Variants in ALDOB observed in about 807,000 individuals in gnomAD.
ALDOB encodes the protein aldolase, fructose-bisphosphate B.
ALDOB carries 39 observed loss-of-function variants against 41.0 expected under a neutral mutation model. The observed-to-expected ratio is 0.95, with a 90% CI of 0.74 to 1.24. The LOEUF (loss-of-function observed/expected upper bound fraction) is 1.24. Ranked by LOEUF, ALDOB falls within the 50% of genes most tolerant of loss-of-function variation. The pLI, the probability that ALDOB is intolerant of heterozygous loss-of-function variation, is 0.00. For missense variants in ALDOB, 530 were observed against 457.3 expected (o/e 1.16, Z -1.45); for synonymous variants, 175 against 168.8 (o/e 1.04, Z -0.28).
At chr9:101,431,112 T>C (rs1276414982) in intron 1 of ALDOB, among the ~76,000 whole-genome samples, 1 of 152,232 alleles carries the variant, frequency 6.6e-6, no homozygotes. Flanking sequence ...TGAATGTTCA[T>C]GGTGATCCTA....
rs374413253 is a variant in ALDOB at position 101,429,714 on chromosome 9, C to T, written c.324+41G>A. On this transcript the variant is annotated intron_variant, in intron 3 of 8. Coordinates refer to ENST00000647789, the MANE Select transcript of ALDOB (RefSeq NM_000035.4). ...CCTTGCCAGTGTGCTTGGAGTTTGC[C>T]TAGGACAAAGCAGAAGTGAGGTGTG... 9.4e-5 allele frequency: 150 copies of T among 1,595,316 alleles called. No homozygotes were observed. The African/African-American group carries it at 1.9e-3, about 20-fold the overall frequency.
chr9:101,430,797 G>A lies in ALDOB; in HGVS notation c.91C>T (p.Leu31=). The A allele has an allele frequency of 6.2e-7, 1 of 1,613,632 alleles. No homozygotes were observed. The highest frequency in any genetic ancestry group is 8.5e-7 in the Non-Finnish European group (1 of 1,179,522). The change falls in exon 2 of 9, where the codon CTG becomes TTG. Residue 31 remains leucine (L), a synonymous_variant. Coordinates refer to ENST00000647789, the MANE Select transcript of ALDOB (RefSeq NM_000035.4). ...QSIVANGKGI[L]AADESVGTMG... ...TCACCTACAGATTCATCTGCAGCCA[G>A]GATCCCCTTTCCATTGGCAACAATG...
At chr9:101,423,093 C>G (rs1437317317) in intron 8 of ALDOB, among the ~76,000 whole-genome samples, 1 of 152,218 alleles carries the variant, frequency 6.6e-6, no homozygotes, top group African/African-American at 2.4e-5. Flanking sequence ...CACAGCAGCA[C>G]TGCTGCACCC....
intron 1 of ALDOB, among the ~76,000 whole-genome samples, chr9:101,432,235 C>T (rs189411551): frequency 6.6e-6 from 1 of 152,296 alleles, no homozygotes; most frequent in East Asian, 1.9e-4. Flanking sequence ...AGGTTCTTGT[C>T]TTACCCCAAA....
chr9:101,430,624 G>T lies in ALDOB; in HGVS notation c.112+152C>A, dbSNP rs1375165506. On this transcript the variant is annotated intron_variant, in intron 2 of 8. Coordinates refer to ENST00000647789, the MANE Select transcript of ALDOB (RefSeq NM_000035.4). Reference sequence around the variant, plus strand: ...TCAGGAATGTGCCTACTACTTACAGGACTCAAAAGCTCTACGCTTACTGAG... The same window carrying T: ...TCAGGAATGTGCCTACTACTTACAGTACTCAAAAGCTCTACGCTTACTGAG... 6 of 678,270 alleles carry T rather than the reference G, an allele frequency of 8.8e-6. No homozygotes were observed. The East Asian group carries it at 1.7e-4, about 19-fold the overall frequency. The allele number at this position is 678,270 out of a possible 1,614,324, so 42.0% of individuals were successfully genotyped here.
At chr9:101,425,094 C>A in intron 7 of ALDOB, 52 bp from the exon 8 acceptor site, 1 of 1,589,886 alleles carries the variant, frequency 6.3e-7, no homozygotes, top group Non-Finnish European at 8.6e-7. Flanking sequence ...ATATACCCTG[C>A]TTGAGAAAGC....
chr9:101,428,646 G>A (rs1831166912), intron 3 of ALDOB, 123 bp from the exon 4 acceptor site: 9 of 850,212 alleles, frequency 1.1e-5, no homozygotes, highest in Middle Eastern at 2.2e-4. Flanking sequence ...GTATTAGTGC[G>A]AGGGACCCAG....
Position 101,424,846 on chromosome 9 carries a change from GGCCC to G in ALDOB, c.992_995del (p.Arg331ProfsTer41). 6.2e-7 allele frequency: 1 copy of G among 1,612,770 alleles called. No individual in the cohort carries two copies. The highest frequency in any genetic ancestry group is 8.5e-7 in the Non-Finnish European group (1 of 1,180,004). On this transcript the variant is annotated frameshift_variant, in exon 8 of 9. Coordinates refer to ENST00000647789, the MANE Select transcript of ALDOB (RefSeq NM_000035.4). LOFTEE classifies it high-confidence loss of function. Reference sequence around the variant, plus strand: ...ATAAGAGGTGGCAGCATCTTACCATGGCCCGCTTCATAAAAGCCTCCTGGGTTGC... The same window carrying G: ...ATAAGAGGTGGCAGCATCTTACCATGGCTTCATAAAAGCCTCCTGGGTTGC...
chr9:101,434,390 T>G (rs1181359298), intron 1 of ALDOB, among the ~76,000 whole-genome samples: 1 of 152,228 alleles, frequency 6.6e-6, no homozygotes, highest in East Asian at 1.9e-4. Flanking sequence ...GTATGGTTCT[T>G]TCTGCCTTCC....
intron 2 of ALDOB, 52 bp downstream of exon 2, chr9:101,430,724 G>T: frequency 7.3e-7 from 1 of 1,366,386 alleles, no homozygotes; most frequent in Non-Finnish European, 1.0e-6. Flanking sequence ...TTTTTGCTAA[G>T]TGTAGAAAAA....
intron 3 of ALDOB, among the ~76,000 whole-genome samples, chr9:101,429,140 T>C (rs1236847498): frequency 8.2e-6 from 1 of 121,662 alleles, no homozygotes; most frequent in Non-Finnish European, 1.9e-5. Context: ...TTTTTCTTTC[T>C]TTTTTTTTTT....
intron 5 of ALDOB, among the ~76,000 whole-genome samples, chr9:101,426,843 A>T (rs962895937): frequency 1.3e-5 from 2 of 152,254 alleles, no homozygotes; most frequent in Admixed American, 1.3e-4. Context: ...TCTAGAGATT[A>T]TTCTAGCTGC....
In ALDOB at chr9:101,421,951, C is replaced by G. The variant is rs772943573; in HGVS notation, c.1000-47G>C. On this transcript the variant is annotated intron_variant, in intron 8 of 8. Transcript: ENST00000647789. Reference sequence around the variant, plus strand: ...GGAGACTGGTTAGAGTAAATGTGACCCCACCTTGACCCTGTCTGCCTCTCA... The same window carrying G: ...GGAGACTGGTTAGAGTAAATGTGACGCCACCTTGACCCTGTCTGCCTCTCA... The G allele has an allele frequency of 2.7e-6, 4 of 1,478,420 alleles. No individual in the cohort carries two copies. In the South Asian group the frequency reaches 4.6e-5, roughly 17 times the overall value. 91.6% of individuals were successfully genotyped at this position (1,478,420 alleles called of 1,614,324 possible).
chr9:101,423,828 C>A (rs527264389), intron 8 of ALDOB, among the ~76,000 whole-genome samples: 1 of 152,328 alleles, frequency 6.6e-6, no homozygotes, highest in South Asian at 2.1e-4. Context: ...TGGCTAAACT[C>A]CAAGCTTCCT....
intron 8 of ALDOB, among the ~76,000 whole-genome samples, chr9:101,423,249 G>A (rs1031894770): frequency 2.6e-5 from 4 of 152,120 alleles, no homozygotes; most frequent in African/African-American, 9.7e-5. Flanking sequence ...TCCTTGCCTA[G>A]CTTCCTCTAT....
Position 101,429,665 on chromosome 9 carries a change from G to T in ALDOB, c.324+90C>A. 1.7e-6 allele frequency: 2 copies of T among 1,174,772 alleles called. 1 individual carries two copies. The highest frequency in any genetic ancestry group is 4.7e-5 in the East Asian group (2 of 42,858). The allele number at this position is 1,174,772 out of a possible 1,614,324, so 72.8% of individuals were successfully genotyped here. A position where few individuals can be genotyped will look rare whatever the true frequency, so the allele number is the denominator to read the frequency against. Reference sequence around the variant, plus strand: ...GGTGAGAAGAGAAATTTGATGAGGAGAATGTTCAGAGTGTTGGCCCTGTCC... The same window carrying T: ...GGTGAGAAGAGAAATTTGATGAGGATAATGTTCAGAGTGTTGGCCCTGTCC... On this transcript the variant is annotated intron_variant, in intron 3 of 8. Coordinates refer to ENST00000647789, the MANE Select transcript of ALDOB (RefSeq NM_000035.4).
chr9:101,432,674 G>A (rs1458178623), intron 1 of ALDOB, among the ~76,000 whole-genome samples: 1 of 152,162 alleles, frequency 6.6e-6, no homozygotes, highest in African/African-American at 2.4e-5. Context: ...CCAGAAGGTG[G>A]TTGGGCTCTT....
intron 2 of ALDOB, among the ~76,000 whole-genome samples, 185 bp downstream of exon 2, chr9:101,430,591 C>T (rs1238465656): frequency 6.6e-6 from 1 of 152,202 alleles, no homozygotes; most frequent in Non-Finnish European, 1.5e-5. Context: ...AGCCTCTTTC[C>T]TTGGCTTTCA....
At chr9:101,433,935 T>C (rs1159705755) in intron 1 of ALDOB, among the ~76,000 whole-genome samples, 2 of 89,080 alleles carry the variant, frequency 2.2e-5, no homozygotes, top group East Asian at 2.3e-4. Context: ...TGCCCAGCTA[T>C]TTTTTTTTTT....
Sources: gnomAD v4.1 joint callset for allele counts (sites outside exome capture counted in the v4.1 genomes callset) on GRCh38, gnomAD v4.1.1 for gene constraint, MANE v1.5 for transcripts, NCBI Gene and HGNC (gene_info 2026-07-23, HGNC 2026-07-21) for gene names.